Variants in ELP3 observed in about 807,000 individuals in gnomAD.
The protein encoded by ELP3 is elongator complex protein 3.
Under a neutral mutation model 74.9 loss-of-function variants are expected in ELP3, and 56 were observed. The observed-to-expected ratio is 0.75, with a 90% CI of 0.60 to 0.93. The LOEUF is 0.93. Ranked by LOEUF, ELP3 falls within the 40% of genes least tolerant of loss-of-function variation. The probability of loss-of-function intolerance (pLI) is 0.00; values close to 1 mark genes in which losing one functional copy is unlikely to be tolerated. For synonymous variants in ELP3, 222 were observed against 239.8 expected (o/e 0.93, Z 0.68); for missense variants, 573 against 686.5 (o/e 0.83, Z 1.85).
chr8:28,136,852 A>G lies in ELP3; in HGVS notation c.907-846A>G, dbSNP rs1217171954. On this transcript the variant is annotated intron_variant, in intron 9 of 14. Coordinates refer to ENST00000256398, the MANE Select transcript of ELP3 (RefSeq NM_018091.6). ...TATTATGCAAAACAAGATTAGAGCAAATTATCAGTGCAAAGTCATGGAAAG... is the reference window on the plus strand; with the variant it reads ...TATTATGCAAAACAAGATTAGAGCAGATTATCAGTGCAAAGTCATGGAAAG... 3.9e-5 allele frequency among the ~76,000 whole-genome samples: 6 copies of G among 152,250 alleles called. No individual in the cohort carries two copies. The East Asian group carries it at 9.6e-4, about 24-fold the overall frequency.
At position 28,189,770 on chromosome 8, in the gene ELP3, C is replaced by T. The variant is rs1244418643; in HGVS notation, c.*45C>T. 1 of 1,571,772 alleles carries T rather than the reference C, an allele frequency of 6.4e-7. No individual in the cohort carries two copies. Among genetic ancestry groups the T allele is most frequent in the Non-Finnish European group, 8.8e-7 (1 of 1,141,988 alleles). ...TTCTGCAGTATCCTCCCTGGCAGAA[C>T]ACGGAGAATCAGGATTTCTTAAATA... On this transcript the variant is annotated 3_prime_UTR_variant, in exon 15 of 15. Transcript: ENST00000256398.
rs1435812064 is a variant in ELP3 at position 28,190,585 on chromosome 8, T to TG, written c.*860_*861insG. On this transcript the variant is annotated 3_prime_UTR_variant, in exon 15 of 15. Coordinates refer to ENST00000256398, the MANE Select transcript of ELP3 (RefSeq NM_018091.6). ...GCCATTACTTGCAATTTTTTTTTTT[T>TG]TTCTGAGAAAGTCTCGCTGTGTCAC... 6.6e-6 allele frequency: 1 copy of TG among 151,852 alleles called. No individual in the cohort carries two copies. Among genetic ancestry groups the TG allele is most frequent in the African/African-American group, 2.4e-5 (1 of 41,330 alleles). 9.4% of individuals were successfully genotyped at this position (151,852 alleles called of 1,614,324 possible).
intron 2 of ELP3, among the ~76,000 whole-genome samples, chr8:28,098,199 A>C (rs915491607): frequency 6.6e-6 from 1 of 150,544 alleles, no homozygotes; most frequent in Non-Finnish European, 1.5e-5. Context: ...TCATCTCTGC[A>C]TCTATTTTTT....
intron 9 of ELP3, among the ~76,000 whole-genome samples, chr8:28,133,826 C>T (rs1315668922): frequency 6.6e-6 from 1 of 152,144 alleles, no homozygotes; most frequent in Non-Finnish European, 1.5e-5. Flanking sequence ...AGATATCCCT[C>T]TTCGTAATTC....
At chr8:28,160,582 C>A in intron 13 of ELP3, 126 bp downstream of exon 13, 1 of 770,938 alleles carries the variant, frequency 1.3e-6, no homozygotes, top group Non-Finnish European at 2.1e-6. Context: ...AGCATAGAAA[C>A]AGAGGAGCCA....
At chr8:28,184,395 A>G (rs1719065047) in intron 14 of ELP3, among the ~76,000 whole-genome samples, 1 of 152,162 alleles carries the variant, frequency 6.6e-6, no homozygotes, top group South Asian at 2.1e-4. Context: ...GCCCATCGTG[A>G]GGCCTGAGTG....
At chr8:28,163,793 C>T (rs1479191111) in intron 14 of ELP3, among the ~76,000 whole-genome samples, 2 of 152,082 alleles carry the variant, frequency 1.3e-5, no homozygotes, top group East Asian at 1.9e-4. Context: ...GCACTGTTAG[C>T]GTTCTAGTAA....
chr8:28,112,131 C>T (rs1377824774), intron 6 of ELP3, among the ~76,000 whole-genome samples: 2 of 151,808 alleles, frequency 1.3e-5, no homozygotes, highest in Non-Finnish European at 2.9e-5. Context: ...GTAGAGGAGA[C>T]CTAATTTTAT....
intron 10 of ELP3, among the ~76,000 whole-genome samples, 163 bp downstream of exon 10, chr8:28,138,054 G>A (rs1038095332): frequency 1.3e-5 from 2 of 152,198 alleles, no homozygotes; most frequent in African/African-American, 4.8e-5. Flanking sequence ...ATCATAGCAT[G>A]TCTAAGCCAC....
chr8:28,115,318 G>C (rs1812085119), intron 7 of ELP3, among the ~76,000 whole-genome samples: 1 of 152,192 alleles, frequency 6.6e-6, no homozygotes. Flanking sequence ...TGGGAGAGTT[G>C]TGGATCTCCA....
chr8:28,108,508 A>G (rs551229986), intron 5 of ELP3, among the ~76,000 whole-genome samples: 7 of 136,726 alleles, frequency 5.1e-5, no homozygotes, highest in African/African-American at 2.0e-4. Context: ...CCCAGGCTAG[A>G]GTGCAGTGGC....
At position 28,099,941 on chromosome 8, in the gene ELP3, C is replaced by G; in HGVS notation, c.233C>G (p.Ala78Gly). The G allele has an allele frequency of 6.2e-7, 1 of 1,614,134 alleles. No homozygotes were observed. The highest frequency in any genetic ancestry group is 1.1e-5 in the South Asian group (1 of 91,076). The change falls in exon 3 of 15, where the codon GCG (alanine) becomes GGG (glycine). Residue 78 changes from alanine (A) to glycine (G), a missense_variant. Transcript: ENST00000256398. The part of the protein sequence containing the change: ...YRKVLMPKLK[A>G]KPIRTASGIA... ...AAGGTCTTGATGCCCAAGTTAAAGG[C>G]GAAACCCATCAGAACTGCTAGTGGG... is the stretch of plus-strand genomic sequence containing the variant.
intron 8 of ELP3, 111 bp downstream of exon 8, chr8:28,129,774 G>A: frequency 8.3e-7 from 1 of 1,211,544 alleles, no homozygotes; most frequent in Non-Finnish European, 1.2e-6. Context: ...AAGAAGTATG[G>A]GTATTCCTCC....
chr8:28,151,260 G>A (rs141759402), intron 10 of ELP3, among the ~76,000 whole-genome samples: 3,366 of 151,838 alleles, frequency 0.022, 57 homozygotes, highest in Non-Finnish European at 0.034. Flanking sequence ...TTTCTGTTTC[G>A]GTGATTTTTT....
rs1363266274 is a variant in ELP3 at position 28,160,388 on chromosome 8, C to T, written c.1417C>T (p.Arg473Ter). 9 of 1,614,132 alleles carry T rather than the reference C, an allele frequency of 5.6e-6. No individual in the cohort carries two copies. The highest frequency in any genetic ancestry group is 2.2e-5 in the East Asian group (1 of 44,874). The change falls in exon 13 of 15, where the codon CGA becomes TGA. Residue 473 changes from arginine (R) to a stop codon, truncating the protein, a stop_gained. Coordinates refer to ENST00000256398, the MANE Select transcript of ELP3 (RefSeq NM_018091.6). LOFTEE classifies it high-confidence loss of function. ...ATTGGGTGGAGGTGTCTCCATAGTACGAGAGCTGCATGTGTATGGGAGTGT... is the reference window on the plus strand; with the variant it reads ...ATTGGGTGGAGGTGTCTCCATAGTATGAGAGCTGCATGTGTATGGGAGTGT... ...FELGGGVSIVRELHVYGSVVP... is the reference protein window; with the variant it reads ...FELGGGVSIV
chr8:28,132,611 A>C (rs1208890467), intron 9 of ELP3, among the ~76,000 whole-genome samples: 1 of 152,126 alleles, frequency 6.6e-6, no homozygotes, highest in Admixed American at 6.5e-5. Context: ...TCTTTCCAAG[A>C]TTTTTCTATG....
intron 14 of ELP3, among the ~76,000 whole-genome samples, chr8:28,166,554 T>A (rs1340289757): frequency 6.6e-6 from 1 of 152,226 alleles, no homozygotes; most frequent in Non-Finnish European, 1.5e-5. Context: ...AAAACCACGA[T>A]GTTTATCTAC....
At chr8:28,179,127 C>T (rs1240625632) in intron 14 of ELP3, among the ~76,000 whole-genome samples, 1 of 152,224 alleles carries the variant, frequency 6.6e-6, no homozygotes, top group African/African-American at 2.4e-5. Context: ...GACGCAGCTT[C>T]TGCAGGGCCA....
chr8:28,116,449 T>C (rs921257027), intron 7 of ELP3, among the ~76,000 whole-genome samples: 2 of 152,146 alleles, frequency 1.3e-5, no homozygotes, highest in Non-Finnish European at 2.9e-5. Flanking sequence ...CGTTCAAAAC[T>C]GATCAAGAGG....
Sources: gnomAD v4.1 joint callset for allele counts (sites outside exome capture counted in the v4.1 genomes callset) on GRCh38, gnomAD v4.1.1 for gene constraint, MANE v1.5 for transcripts, NCBI Gene and HGNC (gene_info 2026-07-23, HGNC 2026-07-21) for gene names.